The following MACROD2 variants were observed in gnomAD, a reference collection of about 807,000 sequenced individuals.
MACROD2 encodes mono-ADP ribosylhydrolase 2.
MACROD2 carries 36 observed loss-of-function variants against 70.4 expected under a neutral mutation model. The observed-to-expected ratio is 0.51, with a 90% CI of 0.39 to 0.68. MACROD2 has a LOEUF of 0.68. Ranked by LOEUF, MACROD2 falls within the 30% of genes least tolerant of loss-of-function variation. The probability of loss-of-function intolerance (pLI) is 0.00; values close to 1 mark genes in which losing one functional copy is unlikely to be tolerated. For missense variants in MACROD2, 496 were observed against 538.4 expected (o/e 0.92, Z 0.78); for synonymous variants, 172 against 178.8 (o/e 0.96, Z 0.30).
chr20:15,746,083 A>G (rs2051178537), intron 8 of MACROD2, among the ~76,000 whole-genome samples: 1 of 152,164 alleles, frequency 6.6e-6, no homozygotes, highest in Non-Finnish European at 1.5e-5. Flanking sequence ...GGTTTTGATT[A>G]GGATTGCCTT....
chr20:14,829,804 T>C (rs1405624418), intron 5 of MACROD2, among the ~76,000 whole-genome samples: 1 of 152,198 alleles, frequency 6.6e-6, no homozygotes, highest in Non-Finnish European at 1.5e-5. Flanking sequence ...TTATTTTATT[T>C]AGTATCAGCA....
At chr20:14,925,477 T>C (rs1376510439) in intron 5 of MACROD2, among the ~76,000 whole-genome samples, 2 of 152,158 alleles carry the variant, frequency 1.3e-5, no homozygotes, top group African/African-American at 4.8e-5. Context: ...TACCAGATTT[T>C]AAAAGGCTGT....
At chr20:14,946,922 G>C (rs1486308249) in intron 5 of MACROD2, among the ~76,000 whole-genome samples, 1 of 152,146 alleles carries the variant, frequency 6.6e-6, no homozygotes, top group Non-Finnish European at 1.5e-5. Flanking sequence ...TGCTATGCAT[G>C]TGAGGTGTAT....
intron 4 of MACROD2, among the ~76,000 whole-genome samples, chr20:14,496,388 A>G (rs2084853610): frequency 6.6e-6 from 1 of 152,206 alleles, no homozygotes; most frequent in Admixed American, 6.5e-5. Flanking sequence ...TGAAATGTAG[A>G]CAAAATTATT....
Position 15,422,668 on chromosome 20 carries a change from C to T in MACROD2, c.541-8737C>T, listed in dbSNP as rs185101039. Among the ~76,000 whole-genome samples the T allele has an allele frequency of 3.3e-5, 5 of 152,306 alleles. No individual in the cohort carries two copies. The East Asian group carries it at 9.6e-4, about 29-fold the overall frequency. On this transcript the variant is annotated intron_variant, in intron 6 of 17. Coordinates refer to ENST00000684519, the MANE Select transcript of MACROD2 (RefSeq NM_001351661.2). ...ATTATTGCTGCAGTGCTGCTGCCTC[C>T]CATGTCCAAACACTGTGAGGCATTC...
In MACROD2 at chr20:14,292,288, G is replaced by C. The variant is rs542786853; in HGVS notation, c.272-201191G>C. ...CTCACCTGGGGGTAATTTTGTCCTT[G>C]GGAGACACTTACCAATGTCTGAAGA... is the stretch of plus-strand genomic sequence containing the variant. On this transcript the variant is annotated intron_variant, in intron 3 of 17. Transcript: ENST00000684519. Among the ~76,000 whole-genome samples, 67 of 151,936 alleles carry C rather than the reference G, an allele frequency of 4.4e-4. 2 individuals carry two copies. In the Middle Eastern group the frequency reaches 0.014, roughly 31 times the overall value.
At position 15,215,977 on chromosome 20, in the gene MACROD2, T is replaced by C. The variant is rs572050191; in HGVS notation, c.419-13963T>C. ...ACTCCTAGACATATAAACTCGCCTATTAAGAGTTCTAGAAAGAATGGAGAA... is the reference window on the plus strand; with the variant it reads ...ACTCCTAGACATATAAACTCGCCTACTAAGAGTTCTAGAAAGAATGGAGAA... On this transcript the variant is annotated intron_variant, in intron 5 of 17. Transcript: ENST00000684519. 9.2e-5 allele frequency among the ~76,000 whole-genome samples: 14 copies of C among 152,194 alleles called. No homozygotes were observed. The East Asian group carries it at 2.7e-3, about 29-fold the overall frequency.
At chr20:14,712,733 C>A (rs1202213045) in intron 5 of MACROD2, among the ~76,000 whole-genome samples, 1 of 152,156 alleles carries the variant, frequency 6.6e-6, no homozygotes, top group Non-Finnish European at 1.5e-5. Flanking sequence ...ATCTCCTAAT[C>A]TCTCAACTAT....
chr20:14,433,672 C>T (rs1263228879), intron 3 of MACROD2, among the ~76,000 whole-genome samples: 1 of 151,990 alleles, frequency 6.6e-6, no homozygotes, highest in East Asian at 1.9e-4. Context: ...TAACATATGG[C>T]AGCAATGCAA....
At chr20:14,450,782 A>G (rs2084236499) in intron 3 of MACROD2, among the ~76,000 whole-genome samples, 1 of 152,100 alleles carries the variant, frequency 6.6e-6, no homozygotes, top group Admixed American at 6.6e-5. Flanking sequence ...AAACATTAAC[A>G]TAGTACCTGA....
At chr20:14,019,150 A>G (rs1442872317) in intron 2 of MACROD2, among the ~76,000 whole-genome samples, 1 of 152,202 alleles carries the variant, frequency 6.6e-6, no homozygotes, top group African/African-American at 2.4e-5. Flanking sequence ...CTGCCCAGAT[A>G]GAGCCTATTT....
rs1444185781 is a variant in MACROD2, at chr20:15,323,025, A to G, written c.540+92964A>G. ...TCCATGGTCTCTAATGACCTCAACT[A>G]TGAAATAAGAGCTTGGGGTTCAGTT... On this transcript the variant is annotated intron_variant, in intron 6 of 17. Transcript: ENST00000684519. 4.5e-5 allele frequency among the ~76,000 whole-genome samples: 5 copies of G among 110,094 alleles called. 1 individual carries two copies. The East Asian group carries it at 1.2e-3, about 27-fold the overall frequency. The allele number at this position is 110,094 out of a possible 152,430, so 72.2% of individuals were successfully genotyped here. A position where few individuals can be genotyped will look rare whatever the true frequency, so the allele number is the denominator to read the frequency against.
At chr20:15,391,509 C>T (rs548860930) in intron 6 of MACROD2, among the ~76,000 whole-genome samples, 84 of 152,258 alleles carry the variant, frequency 5.5e-4, no homozygotes, top group South Asian at 2.1e-4. Flanking sequence ...GCAGGTCTCC[C>T]GGCCACAGCC....
At chr20:14,925,901 T>C (rs1056895685) in intron 5 of MACROD2, among the ~76,000 whole-genome samples, 5 of 152,194 alleles carry the variant, frequency 3.3e-5, no homozygotes, top group Non-Finnish European at 7.3e-5. Context: ...CAGGGACTTA[T>C]ATAGTATGTT....
chr20:15,549,028 A>G (rs1010418031), intron 8 of MACROD2, among the ~76,000 whole-genome samples: 6 of 152,240 alleles, frequency 3.9e-5, no homozygotes, highest in Non-Finnish European at 8.8e-5. Context: ...ACCCCAGGCA[A>G]AAACTGCCCA....
At chr20:15,260,263 C>CA (rs1283648735) in intron 6 of MACROD2, among the ~76,000 whole-genome samples, 1 of 150,978 alleles carries the variant, frequency 6.6e-6, no homozygotes, top group Non-Finnish European at 1.5e-5. Flanking sequence ...GCCCATTAAC[C>CA]ATTCCCTCTT....
At chr20:15,745,925 A>T (rs1381564419) in intron 8 of MACROD2, among the ~76,000 whole-genome samples, 1 of 152,048 alleles carries the variant, frequency 6.6e-6, no homozygotes, top group Non-Finnish European at 1.5e-5. Context: ...TGGTGTGCTG[A>T]TTATTTAAAA....
intron 5 of MACROD2, among the ~76,000 whole-genome samples, chr20:15,101,895 T>C (rs1459522678): frequency 6.6e-6 from 1 of 152,062 alleles, no homozygotes; most frequent in Non-Finnish European, 1.5e-5. Flanking sequence ...ATTTATTTAT[T>C]CGCTTTCTCC....
intron 3 of MACROD2, among the ~76,000 whole-genome samples, chr20:14,134,120 T>C (rs1256982915): frequency 6.6e-6 from 1 of 152,208 alleles, no homozygotes; most frequent in Admixed American, 6.5e-5. Flanking sequence ...TACTCCTTAA[T>C]ATACCTCCTG....
Sources: gnomAD v4.1 joint callset for allele counts (sites outside exome capture counted in the v4.1 genomes callset) on GRCh38, gnomAD v4.1.1 for gene constraint, MANE v1.5 for transcripts, NCBI Gene and HGNC (gene_info 2026-07-23, HGNC 2026-07-21) for gene names.